Variants in DDB2 observed in about 807,000 individuals in gnomAD.
DDB2 encodes the protein damage specific DNA binding protein 2.
DDB2 carries 27 observed loss-of-function variants against 50.5 expected under a neutral mutation model. The observed-to-expected ratio is 0.53, with a 90% CI of 0.39 to 0.74. The LOEUF is 0.74. Among genes scored for constraint, DDB2 ranks in the 30% least tolerant of loss-of-function variants. The probability of loss-of-function intolerance (pLI) is 0.00; values close to 1 mark genes in which losing one functional copy is unlikely to be tolerated. For missense variants in DDB2, 424 were observed against 545.6 expected, an observed-to-expected ratio of 0.78 and a Z score of 2.22; for synonymous variants, 176 against 205.5, an observed-to-expected ratio of 0.86 and a Z score of 1.23.
chr11:47,228,598 GTGCCACTGCACTCCAGCC>G (rs1344214048), intron 3 of DDB2, among the ~76,000 whole-genome samples: 1 of 149,360 alleles, frequency 6.7e-6, no homozygotes, highest in East Asian at 2.0e-4. Flanking sequence ...AGCCAAGATT[GTGCCACTGCACTCCAGCC>G]TGGGCAACAG....
intron 1 of DDB2, 145 bp from the exon 2 acceptor site, chr11:47,216,187 CGTTG>C (rs1469135165): frequency 8.6e-7 from 1 of 1,158,090 alleles, no homozygotes; most frequent in African/African-American, 1.5e-5. Flanking sequence ...TTCTGGTGCT[CGTTG>C]AGACCACACA....
chr11:47,224,570 T>C (rs1953530920), intron 3 of DDB2, among the ~76,000 whole-genome samples: 1 of 152,140 alleles, frequency 6.6e-6, no homozygotes. Flanking sequence ...TACAAAGAGT[T>C]CAAAATGAAG....
intron 3 of DDB2, among the ~76,000 whole-genome samples, chr11:47,226,826 C>T (rs1237024781): frequency 2.0e-5 from 3 of 149,366 alleles, no homozygotes; most frequent in African/African-American, 5.0e-5. Flanking sequence ...ACTGCAGCCT[C>T]GAACTTCTGG....
In DDB2 at chr11:47,216,883, C is replaced by T; in HGVS notation, c.290C>T (p.Thr97Ile). The T allele has an allele frequency of 6.2e-7, 1 of 1,614,088 alleles. No individual in the cohort carries two copies. The highest frequency in any genetic ancestry group is 8.5e-7 in the Non-Finnish European group (1 of 1,180,018). Reference protein sequence around the residue: ...QQGLQQSFLHTLDSYRILQKA... With the variant: ...QQGLQQSFLHILDSYRILQKA... ...GGGCTCCAGCAGTCCTTTTTGCACA[C>T]TCTGGATTCTTACCGGATATTACAA... The change falls in exon 3 of 10, where the codon ACT becomes ATT. Residue 97 changes from threonine (T) to isoleucine (I), a missense_variant. Thr to Ile is a moderately conservative substitution (Grantham distance 89, BLOSUM62 -1). Transcript: ENST00000256996.
intron 3 of DDB2, among the ~76,000 whole-genome samples, chr11:47,221,158 A>G (rs1366584482): frequency 6.6e-6 from 1 of 152,080 alleles, no homozygotes. Context: ...GTGAGACTCC[A>G]TCTCTCAAAA....
chr11:47,232,985 A>G (rs1953671422), intron 4 of DDB2, 26 bp downstream of exon 4: 2 of 1,613,534 alleles, frequency 1.2e-6, no homozygotes, highest in Admixed American at 3.3e-5. Flanking sequence ...AGCAGGGGAA[A>G]GGGCTTCTAA....
intron 4 of DDB2, 126 bp from the exon 5 acceptor site, chr11:47,234,446 CA>C: frequency 2.5e-6 from 2 of 802,888 alleles, no homozygotes; most frequent in Non-Finnish European, 4.5e-6. Flanking sequence ...CACGGCAAGA[CA>C]GTTATTCATT....
Position 47,215,227 on chromosome 11 carries a change from G to C in DDB2, c.91G>C (p.Glu31Gln), listed in dbSNP as rs1261825428. The C allele has an allele frequency of 6.2e-7, 1 of 1,613,960 alleles. No individual in the cohort carries two copies. The highest frequency in any genetic ancestry group is 8.5e-7 in the Non-Finnish European group (1 of 1,180,004). ...NKRSRSPLEL[E>Q]PEAKKLCAKG... ...GAGGAGCAGGAGTCCCCTGGAGCTG[G>C]AGCCCGAGGCCAAGAAGCTCTGTGC... The change falls in exon 1 of 10, where the codon GAG becomes CAG. Residue 31 changes from glutamate to glutamine, a missense_variant. Coordinates refer to ENST00000256996, the MANE Select transcript of DDB2 (RefSeq NM_000107.3).
intron 4 of DDB2, 69 bp from the exon 5 acceptor site, chr11:47,234,504 A>G: frequency 8.0e-7 from 1 of 1,255,084 alleles, no homozygotes; most frequent in Non-Finnish European, 1.2e-6. Flanking sequence ...TAGTCACCGG[A>G]GCGGCAACAG....
chr11:47,235,704 TTC>T, intron 7 of DDB2: 1 of 482,554 alleles, frequency 2.1e-6, no homozygotes, highest in Non-Finnish European at 3.8e-6. Flanking sequence ...CTGTTCTGTC[TTC>T]TCAGCTTCAG....
intron 4 of DDB2, among the ~76,000 whole-genome samples, chr11:47,234,254 C>T (rs1248763043): frequency 6.6e-6 from 1 of 151,638 alleles, no homozygotes; most frequent in East Asian, 1.9e-4. Flanking sequence ...TGCTCAGAAC[C>T]CGGGGTGTGG....
intron 3 of DDB2, among the ~76,000 whole-genome samples, chr11:47,230,427 A>G (rs1470694596): frequency 1.3e-5 from 2 of 152,226 alleles, no homozygotes; most frequent in African/African-American, 2.4e-5. Context: ...TAGTAGTAAT[A>G]ATGGCCTTTG....
At chr11:47,218,153 C>G (rs1394276012) in intron 3 of DDB2, among the ~76,000 whole-genome samples, 2 of 152,192 alleles carry the variant, frequency 1.3e-5, no homozygotes, top group Non-Finnish European at 2.9e-5. Flanking sequence ...CACTCCTCCA[C>G]CGTCATTCCC....
chr11:47,237,099 C>T (rs1272759551), intron 7 of DDB2, among the ~76,000 whole-genome samples: 1 of 152,146 alleles, frequency 6.6e-6, no homozygotes, highest in Non-Finnish European at 1.5e-5. Context: ...TTACACTCAG[C>T]TCTTAGTTAT....
intron 7 of DDB2, among the ~76,000 whole-genome samples, chr11:47,237,112 G>A (rs1387505160): frequency 6.6e-6 from 1 of 152,092 alleles, no homozygotes; most frequent in Non-Finnish European, 1.5e-5. Flanking sequence ...TTAGTTATTC[G>A]TGTTGATGGA....
intron 3 of DDB2, among the ~76,000 whole-genome samples, chr11:47,222,789 G>A (rs1040983273): frequency 6.6e-6 from 1 of 152,158 alleles, no homozygotes; most frequent in Non-Finnish European, 1.5e-5. Context: ...CATTTTTCTT[G>A]GGTAAATACT....
At chr11:47,234,712 C>A in intron 5 of DDB2, 40 bp downstream of exon 5, 1 of 1,613,928 alleles carries the variant, frequency 6.2e-7, no homozygotes, top group Non-Finnish European at 8.5e-7. Context: ...CCCTCACCCC[C>A]ACCTCGGTTC....
In DDB2 at chr11:47,238,166, C is replaced by T. The variant is rs1431945606; in HGVS notation, c.1217C>T (p.Thr406Met). The T allele has an allele frequency of 2.9e-5, 47 of 1,611,686 alleles. No homozygotes were observed. Among genetic ancestry groups the T allele is most frequent in the East Asian group, 4.5e-5 (2 of 44,870 alleles). ...AATGAATTCAATCCCATGGGGGACA[C>T]GCTGGCCTCTGCAATGGGTGAGTAG... ...SLNEFNPMGDTLASAMGYHIL... is the reference protein window; with the variant it reads ...SLNEFNPMGDMLASAMGYHIL... Residue 406 changes from threonine to methionine, a missense_variant, in exon 9 of 10, where the codon ACG becomes ATG. Physicochemically the swap from Thr to Met is moderately conservative, Grantham distance 81. Transcript: ENST00000256996.
Position 47,237,992 on chromosome 11 carries a change from C to A in DDB2, c.1179C>A (p.Gly393=). The change falls in exon 8 of 10, where the codon GGC becomes GGA. Residue 393 remains glycine, a synonymous_variant. Coordinates refer to ENST00000256996, the MANE Select transcript of DDB2 (RefSeq NM_000107.3). ...MCQLYDPESS[G]ISSLNEFNPM... ...AGCTCTATGACCCAGAATCTTCTGG[C>A]ATCAGTTCGGTGAGGCTTGGGTCCT... 2 of 1,614,172 alleles carry A rather than the reference C, an allele frequency of 1.2e-6. No individual in the cohort carries two copies. Among genetic ancestry groups the A allele is most frequent in the Non-Finnish European group, 1.7e-6 (2 of 1,180,032 alleles).
Sources: allele counts gnomAD v4.1 joint callset (sites outside exome capture counted in the v4.1 genomes callset), GRCh38; gene constraint gnomAD v4.1.1; transcripts MANE v1.5; gene names NCBI Gene and HGNC (gene_info 2026-07-23, HGNC 2026-07-21).